PLEKHA5: variants seen among roughly 807,000 people sequenced by gnomAD.
The protein encoded by PLEKHA5 is pleckstrin homology domain-containing family A member 5.
Under a neutral mutation model 181.9 loss-of-function variants are expected in PLEKHA5, and 55 were observed. That is an observed-to-expected ratio of 0.30 (90% CI 0.24 to 0.38). The LOEUF is 0.38. PLEKHA5 is among the 10% of genes least tolerant of loss of function. The probability of loss-of-function intolerance (pLI) is 1.00; values close to 1 mark genes in which losing one functional copy is unlikely to be tolerated. For missense variants in PLEKHA5, 1,432 were observed against 1,549.5 expected (o/e 0.92, Z 1.27); for synonymous variants, 535 against 529.4 (o/e 1.01, Z -0.15).
chr12:19,217,654 AG>A (rs985064777), intron 3 of PLEKHA5, among the ~76,000 whole-genome samples: 16 of 152,344 alleles, frequency 1.1e-4, no homozygotes, highest in African/African-American at 1.7e-4. Flanking sequence ...GCGGAAGCCA[AG>A]AATGTAAAGA....
At chr12:19,242,002 T>TAACGAAAAAA (rs2062709831) in intron 3 of PLEKHA5, among the ~76,000 whole-genome samples, 1 of 152,150 alleles carries the variant, frequency 6.6e-6, no homozygotes, top group Admixed American at 6.6e-5. Flanking sequence ...CTTAAATGGT[T>TAACGAAAAAA]AAGTTCAGAT....
chr12:19,170,543 C>T (rs753274407), intron 3 of PLEKHA5, among the ~76,000 whole-genome samples: 103 of 151,760 alleles, frequency 6.8e-4, no homozygotes, highest in Non-Finnish European at 1.0e-3. Flanking sequence ...CTCCTGCCTC[C>T]GGAGTAGCTG....
intron 3 of PLEKHA5, among the ~76,000 whole-genome samples, chr12:19,196,282 TAA>T (rs1432389627): frequency 6.6e-6 from 1 of 152,182 alleles, no homozygotes; most frequent in African/African-American, 2.4e-5. Context: ...AATTAACACA[TAA>T]AGACAATTTA....
At chr12:19,202,725 A>G (rs1006632470) in intron 3 of PLEKHA5, among the ~76,000 whole-genome samples, 2 of 152,142 alleles carry the variant, frequency 1.3e-5, no homozygotes, top group African/African-American at 4.8e-5. Flanking sequence ...ATTGCCGTAT[A>G]AGGCTCATGT....
intron 3 of PLEKHA5, among the ~76,000 whole-genome samples, chr12:19,230,091 AC>A (rs550224643): frequency 2.4e-4 from 36 of 152,256 alleles, no homozygotes; most frequent in Non-Finnish European, 4.3e-4. Context: ...TTAGCTAGAC[AC>A]AGAGTGCTGA....
chr12:19,197,343 G>A (rs770714867), intron 3 of PLEKHA5, among the ~76,000 whole-genome samples: 2 of 151,938 alleles, frequency 1.3e-5, no homozygotes, highest in Non-Finnish European at 2.9e-5. Flanking sequence ...ACTTATTTTG[G>A]AAAATGTTAT....
chr12:19,277,186 C>G (rs1441078194), intron 11 of PLEKHA5, among the ~76,000 whole-genome samples: 1 of 151,990 alleles, frequency 6.6e-6, no homozygotes. Context: ...TTTGGAAGTA[C>G]TTGGGAAAGT....
intron 7 of PLEKHA5, among the ~76,000 whole-genome samples, chr12:19,264,405 AT>A (rs750278172): frequency 1.3e-5 from 2 of 152,280 alleles, no homozygotes; most frequent in South Asian, 2.1e-4. Context: ...GATTAAAATG[AT>A]TTTTTAATAA....
intron 7 of PLEKHA5, among the ~76,000 whole-genome samples, chr12:19,265,488 TG>T (rs1235111570): frequency 6.6e-6 from 1 of 152,140 alleles, no homozygotes; most frequent in Non-Finnish European, 1.5e-5. Context: ...GAGATGTGGG[TG>T]GGTTAATGCC....
At chr12:19,302,375 C>T (rs2081749849) in intron 15 of PLEKHA5, among the ~76,000 whole-genome samples, 1 of 152,206 alleles carries the variant, frequency 6.6e-6, no homozygotes, top group South Asian at 2.1e-4. Flanking sequence ...AAGGTTTCCC[C>T]TCCTGCAAAT....
At chr12:19,271,795 C>T (rs188272604) in intron 10 of PLEKHA5, among the ~76,000 whole-genome samples, 16 of 152,210 alleles carry the variant, frequency 1.1e-4, no homozygotes, top group East Asian at 9.7e-4. Flanking sequence ...AGTTTTCAGC[C>T]GTCTTTGTTA....
intron 3 of PLEKHA5, among the ~76,000 whole-genome samples, chr12:19,183,075 C>T (rs1325643495): frequency 6.6e-6 from 1 of 151,910 alleles, no homozygotes; most frequent in Non-Finnish European, 1.5e-5. Context: ...AAAATAAACA[C>T]CAAAACATGG....
At chr12:19,190,596 G>A (rs1470754059) in intron 3 of PLEKHA5, among the ~76,000 whole-genome samples, 1 of 152,328 alleles carries the variant, frequency 6.6e-6, no homozygotes, top group East Asian at 1.9e-4. Flanking sequence ...AACCTTGAAA[G>A]CCCAGCATAT....
chr12:19,375,198 C>T (rs1397355949), intron 31 of PLEKHA5, among the ~76,000 whole-genome samples: 1 of 151,964 alleles, frequency 6.6e-6, no homozygotes, highest in African/African-American at 2.4e-5. Flanking sequence ...GTGATATGTG[C>T]CTGTAATCCC....
intron 20 of PLEKHA5, among the ~76,000 whole-genome samples, chr12:19,324,164 T>G (rs1288354652): frequency 6.6e-6 from 1 of 152,178 alleles, no homozygotes; most frequent in Non-Finnish European, 1.5e-5. Context: ...GAGGAGTCTT[T>G]CCAGGCTGGC....
intron 3 of PLEKHA5, among the ~76,000 whole-genome samples, chr12:19,252,502 A>G (rs2065611564): frequency 6.6e-6 from 1 of 152,150 alleles, no homozygotes; most frequent in African/African-American, 2.4e-5. Context: ...GCTTAAATAA[A>G]TAGGGTTTTT....
At chr12:19,237,250 C>T (rs1486420901) in intron 3 of PLEKHA5, among the ~76,000 whole-genome samples, 1 of 152,074 alleles carries the variant, frequency 6.6e-6, no homozygotes. Context: ...ATTAGGTTTG[C>T]AAATGCTTGA....
intron 18 of PLEKHA5, among the ~76,000 whole-genome samples, chr12:19,321,350 CTTTTCTTTTCTTTTT>C (rs2090702706): frequency 1.4e-5 from 1 of 72,762 alleles, no homozygotes; most frequent in African/African-American, 3.8e-5. Context: ...CTTTTCTTTT[CTTTTCTTTTCTTTTT>C]TTTTTTTTTT....
At chr12:19,189,877 A>G (rs2050700055) in intron 3 of PLEKHA5, among the ~76,000 whole-genome samples, 1 of 152,236 alleles carries the variant, frequency 6.6e-6, no homozygotes, top group Non-Finnish European at 1.5e-5. Flanking sequence ...GAGAACAGCC[A>G]GAATTTTCCT....
Sources: allele counts gnomAD v4.1 joint callset (sites outside exome capture counted in the v4.1 genomes callset), GRCh38; gene constraint gnomAD v4.1.1; transcripts MANE v1.5; gene names NCBI Gene and HGNC (gene_info 2026-07-23, HGNC 2026-07-21).